The following TMEM135 variants were observed in gnomAD, a reference collection of about 807,000 sequenced individuals.
TMEM135 encodes the protein peroxisomal membrane protein 52.
TMEM135 carries 30 observed loss-of-function variants against 60.3 expected under a neutral mutation model. The observed-to-expected ratio is 0.50, with a 90% CI of 0.37 to 0.68. The LOEUF (loss-of-function observed/expected upper bound fraction) is 0.68, where lower values mean the gene tolerates loss of function less well. Among genes scored for constraint, TMEM135 ranks in the 30% least tolerant of loss-of-function variants. The pLI is 0.00. For synonymous variants in TMEM135, 190 were observed against 186.7 expected (o/e 1.02, Z -0.14); for missense variants, 468 against 548.8 (o/e 0.85, Z 1.47).
chr11:87,302,378 C>A lies in TMEM135; in HGVS notation c.634C>A (p.Gln212Lys). The A allele has an allele frequency of 6.2e-7, 1 of 1,613,744 alleles. No homozygotes were observed. The highest frequency in any genetic ancestry group is 1.7e-4 in the Middle Eastern group (1 of 6,058). The change falls in exon 8 of 15, where the codon CAA becomes AAA. Residue 212 changes from glutamine (Q) to lysine (K), a missense_variant. Physicochemically the swap from Gln to Lys is moderately conservative, Grantham distance 53 (BLOSUM62 1). Transcript: ENST00000305494. ...TGCAAAAGTGGAACAAAAGAGAGAG[C>A]AACATGAGGAAAAACCCGGAAGAAT... ...AYAKVEQKRE[Q>K]HEEKPGRMNM...
chr11:87,284,451 G>A (rs1160778354), intron 6 of TMEM135, among the ~76,000 whole-genome samples: 1 of 152,152 alleles, frequency 6.6e-6, no homozygotes, highest in East Asian at 1.9e-4. Flanking sequence ...TTCTATTGGA[G>A]TTGTTGCTGT....
At chr11:87,196,580 A>T (rs1156852720) in intron 5 of TMEM135, among the ~76,000 whole-genome samples, 1 of 151,908 alleles carries the variant, frequency 6.6e-6, no homozygotes, top group Non-Finnish European at 1.5e-5. Context: ...TATAGTGGGG[A>T]ATATTATTTT....
chr11:87,073,708 C>A (rs1446219892), intron 3 of TMEM135, among the ~76,000 whole-genome samples: 1 of 151,498 alleles, frequency 6.6e-6, no homozygotes, highest in African/African-American at 2.4e-5. Flanking sequence ...CGCTCTGTTG[C>A]CCAGGCTGGA....
intron 3 of TMEM135, among the ~76,000 whole-genome samples, chr11:87,074,539 TTAGA>T (rs1180000681): frequency 1.3e-5 from 2 of 152,216 alleles, no homozygotes; most frequent in Non-Finnish European, 2.9e-5. Context: ...ACTCAAATAA[TTAGA>T]TAGCATTTTT....
intron 6 of TMEM135, among the ~76,000 whole-genome samples, chr11:87,269,011 A>G (rs1481247903): frequency 1.3e-5 from 2 of 150,434 alleles, no homozygotes; most frequent in African/African-American, 4.9e-5. Flanking sequence ...TTATGCTTAA[A>G]CTTGTTGTAG....
intron 5 of TMEM135, among the ~76,000 whole-genome samples, chr11:87,159,048 G>A (rs1173866026): frequency 6.6e-6 from 1 of 152,136 alleles, no homozygotes; most frequent in Non-Finnish European, 1.5e-5. Context: ...GTAATCACCT[G>A]AGCATATCAA....
intron 3 of TMEM135, among the ~76,000 whole-genome samples, chr11:87,077,431 T>C (rs1274802831): frequency 6.6e-6 from 1 of 152,256 alleles, no homozygotes; most frequent in African/African-American, 2.4e-5. Context: ...TTTTGGCTGC[T>C]CCATCCATGG....
At chr11:87,187,123 C>T (rs1455483176) in intron 5 of TMEM135, among the ~76,000 whole-genome samples, 4 of 152,108 alleles carry the variant, frequency 2.6e-5, no homozygotes, top group Non-Finnish European at 5.9e-5. Flanking sequence ...ATGTTTAGTG[C>T]TTGCTTTGTG....
At chr11:87,068,395 A>AT (rs1304657130) in intron 2 of TMEM135, among the ~76,000 whole-genome samples, 2 of 151,638 alleles carry the variant, frequency 1.3e-5, no homozygotes, top group Non-Finnish European at 2.9e-5. Flanking sequence ...TATTCTTTTT[A>AT]TTTTTTTCCT....
Position 87,191,920 on chromosome 11 carries a change from G to A in TMEM135, c.462+34514G>A, listed in dbSNP as rs747913811. The stretch of plus-strand genomic sequence containing the variant: ...CATTCTCCTGAGAAGTCATCTGGAC[G>A]TGGGGCATTTTTTTGAGAGCTCTAT... On this transcript the variant is annotated intron_variant, in intron 5 of 14. Transcript: ENST00000305494. Among the ~76,000 whole-genome samples, 28 of 151,012 alleles carry A rather than the reference G, an allele frequency of 1.9e-4. 1 individual carries two copies. The Middle Eastern group carries it at 0.014, about 74-fold the overall frequency.
chr11:87,197,398 G>T (rs1939985916), intron 5 of TMEM135, among the ~76,000 whole-genome samples: 1 of 152,036 alleles, frequency 6.6e-6, no homozygotes, highest in Non-Finnish European at 1.5e-5. Context: ...ATTCCTTTGT[G>T]TTGTCCCATA....
chr11:87,097,794 C>T (rs1325570549), intron 4 of TMEM135, among the ~76,000 whole-genome samples: 1 of 152,210 alleles, frequency 6.6e-6, no homozygotes, highest in African/African-American at 2.4e-5. Context: ...GCATGGCTTG[C>T]TGTTTCATTT....
At chr11:87,159,145 G>T (rs496834) in intron 5 of TMEM135, among the ~76,000 whole-genome samples, 1 of 151,930 alleles carries the variant, frequency 6.6e-6, no homozygotes, top group African/African-American at 2.4e-5. Context: ...TAATTATTAG[G>T]TGTTGTTCCA....
intron 6 of TMEM135, among the ~76,000 whole-genome samples, chr11:87,257,132 G>A (rs779721446): frequency 1.4e-4 from 22 of 151,994 alleles, no homozygotes; most frequent in Admixed American, 3.9e-4. Flanking sequence ...ATATCCTTTC[G>A]AGTTCTGGAA....
At chr11:87,232,752 A>C (rs141022574) in intron 5 of TMEM135, among the ~76,000 whole-genome samples, 1 of 152,312 alleles carries the variant, frequency 6.6e-6, no homozygotes, top group African/African-American at 2.4e-5. Context: ...CTATGTGTTA[A>C]GTAGTATAAT....
intron 4 of TMEM135, among the ~76,000 whole-genome samples, chr11:87,099,682 GTT>G (rs57019125): frequency 0.046 from 4,995 of 109,304 alleles, 253 homozygotes; most frequent in African/African-American, 0.16. Flanking sequence ...TTTCATGGTG[GTT>G]TTTTTTTTTT....
At chr11:87,297,533 A>C (rs1294131905) in intron 7 of TMEM135, among the ~76,000 whole-genome samples, 1 of 152,240 alleles carries the variant, frequency 6.6e-6, no homozygotes, top group East Asian at 1.9e-4. Context: ...AACAAAAACA[A>C]AAGTTAGGTT....
chr11:87,133,003 C>T (rs1325279101), intron 4 of TMEM135, among the ~76,000 whole-genome samples: 1 of 152,062 alleles, frequency 6.6e-6, no homozygotes, highest in Non-Finnish European at 1.5e-5. Flanking sequence ...ACCATGATAC[C>T]AGGACAGTCG....
chr11:87,221,650 A>G (rs1940618480), intron 5 of TMEM135, among the ~76,000 whole-genome samples: 2 of 152,192 alleles, frequency 1.3e-5, no homozygotes, highest in Non-Finnish European at 2.9e-5. Context: ...AGAGATTTCC[A>G]TGATAGAGGT....
Sources: allele counts gnomAD v4.1 joint callset (sites outside exome capture counted in the v4.1 genomes callset), GRCh38; gene constraint gnomAD v4.1.1; transcripts MANE v1.5; gene names NCBI Gene and HGNC (gene_info 2026-07-23, HGNC 2026-07-21).